PRKN: variants seen among roughly 807,000 people sequenced by gnomAD.
PRKN encodes the protein parkin RBR E3 ubiquitin protein ligase, also known as E3 ubiquitin-protein ligase parkin.
Under a neutral mutation model 59.5 loss-of-function variants are expected in PRKN, and 56 were observed. The ratio of observed to expected loss-of-function variants is 0.94; its 90% confidence interval spans 0.76 to 1.18. The LOEUF (loss-of-function observed/expected upper bound fraction) is 1.18, where lower values mean the gene tolerates loss of function less well. PRKN is among the 50% of genes most tolerant of loss of function. PRKN has a pLI of 0.00. For missense variants in PRKN, 657 were observed against 596.4 expected (o/e 1.10, Z -1.06); for synonymous variants, 250 against 222.1 (o/e 1.13, Z -1.12).
chr6:162,091,980 A>G (rs954817342), intron 4 of PRKN, among the ~76,000 whole-genome samples: 33 of 151,930 alleles, frequency 2.2e-4, no homozygotes, highest in African/African-American at 7.5e-4. Context: ...AGGCTGTAGT[A>G]AGCTGTGATT....
rs1018676251 is a variant in PRKN at position 161,359,962 on chromosome 6, C to T, written c.1285+126G>A. ...AATAGTGATAATGGGTAACATTAAT[C>T]GAGGGGTTACCCAACACACCAGGCA... On this transcript the variant is annotated intron_variant, in intron 11 of 11. Transcript: ENST00000366898. The surrounding 1 kb of genome is among the most constrained non-coding windows in gnomAD (Gnocchi z 5.4). The T allele has an allele frequency of 9.1e-6, 7 of 765,168 alleles. No individual in the cohort carries two copies. Among genetic ancestry groups the T allele is most frequent in the African/African-American group, 1.7e-5 (1 of 58,198 alleles). 47.4% of individuals were successfully genotyped at this position (765,168 alleles called of 1,614,324 possible).
intron 7 of PRKN, among the ~76,000 whole-genome samples, chr6:161,611,706 A>G (rs1468985230): frequency 2.0e-5 from 3 of 152,196 alleles, no homozygotes; most frequent in Non-Finnish European, 4.4e-5. Context: ...AGTTAGGCCA[A>G]TTAATAAACC....
rs987427190 is a variant in PRKN, at chr6:162,056,870, G to A, written c.535-2696C>T. Among the ~76,000 whole-genome samples the A allele has an allele frequency of 1.3e-5, 2 of 152,108 alleles. No homozygotes were observed. Among genetic ancestry groups the A allele is most frequent in the Admixed American group, 1.3e-4 (2 of 15,280 alleles). ...TCCTGGCAGACAACACTTCACACGCGTTGTCACAACTGAGTGCCTCTCGAG... is the reference window on the plus strand; with the variant it reads ...TCCTGGCAGACAACACTTCACACGCATTGTCACAACTGAGTGCCTCTCGAG... On this transcript the variant is annotated intron_variant, in intron 4 of 11. Coordinates refer to ENST00000366898, the MANE Select transcript of PRKN (RefSeq NM_004562.3). The surrounding 1 kb of genome is among the most constrained non-coding windows in gnomAD (Gnocchi z 4.9).
At chr6:161,902,552 A>AT (rs1554245421) in intron 6 of PRKN, among the ~76,000 whole-genome samples, 38 of 121,088 alleles carry the variant, frequency 3.1e-4, no homozygotes, top group African/African-American at 1.2e-3. Context: ...CTATCTATTT[A>AT]TTTATTTATT....
At chr6:161,851,995 G>C (rs1236311829) in intron 6 of PRKN, among the ~76,000 whole-genome samples, 1 of 151,232 alleles carries the variant, frequency 6.6e-6, no homozygotes, top group Non-Finnish European at 1.5e-5. Context: ...GCTGAGGCAG[G>C]AGAATCTCTT....
At chr6:162,324,763 T>C (rs940206610) in intron 2 of PRKN, among the ~76,000 whole-genome samples, 2 of 152,112 alleles carry the variant, frequency 1.3e-5, no homozygotes, top group African/African-American at 4.8e-5. Flanking sequence ...TACGTATCTA[T>C]GTGTAAGTGT....
At chr6:161,973,779 G>A (rs904712576) in intron 5 of PRKN, among the ~76,000 whole-genome samples, 1 of 152,200 alleles carries the variant, frequency 6.6e-6, no homozygotes, top group African/African-American at 2.4e-5. Context: ...AGGGAGACGT[G>A]AAGCCATGAA....
At chr6:161,837,054 T>C (rs556799395) in intron 6 of PRKN, among the ~76,000 whole-genome samples, 1 of 152,286 alleles carries the variant, frequency 6.6e-6, no homozygotes, top group East Asian at 1.9e-4. Flanking sequence ...TCTTAAGGAA[T>C]GGGCACTAAA....
chr6:162,702,354 C>G (rs1407843512), intron 1 of PRKN, among the ~76,000 whole-genome samples: 3 of 151,956 alleles, frequency 2.0e-5, no homozygotes, highest in Non-Finnish European at 2.9e-5. Flanking sequence ...ATTCTACTTC[C>G]TTCATAGATG....
chr6:162,521,019 C>T (rs1778061457), intron 1 of PRKN, among the ~76,000 whole-genome samples: 1 of 152,080 alleles, frequency 6.6e-6, no homozygotes, highest in South Asian at 2.1e-4. Context: ...TAGGGCAAAT[C>T]CATGATTAAT....
At chr6:161,496,270 AC>A (rs1777743706) in intron 9 of PRKN, among the ~76,000 whole-genome samples, 1 of 152,202 alleles carries the variant, frequency 6.6e-6, no homozygotes, top group African/African-American at 2.4e-5. Context: ...TGTATCCCTT[AC>A]AAAGATATGC....
chr6:161,679,921 C>CT (rs1394134427), intron 7 of PRKN, among the ~76,000 whole-genome samples: 2 of 151,218 alleles, frequency 1.3e-5, no homozygotes, highest in Non-Finnish European at 3.0e-5. Flanking sequence ...GCCTGGCTAC[C>CT]TTTTTTTTAT....
At chr6:162,437,570 C>A (rs1480604049) in intron 2 of PRKN, among the ~76,000 whole-genome samples, 1 of 152,106 alleles carries the variant, frequency 6.6e-6, no homozygotes, top group African/African-American at 2.4e-5. Context: ...ACAGTCGTAC[C>A]CTCCTCTCAC....
chr6:162,418,820 G>C (rs1204234552), intron 2 of PRKN, among the ~76,000 whole-genome samples: 1 of 151,816 alleles, frequency 6.6e-6, no homozygotes, highest in Non-Finnish European at 1.5e-5. Flanking sequence ...GAGGGCTCCT[G>C]TCAGCAGACC....
At chr6:162,115,480 A>C (rs9365373) in intron 4 of PRKN, among the ~76,000 whole-genome samples, 31,866 of 151,544 alleles carry the variant, frequency 0.21, 3,706 homozygotes, top group Non-Finnish European at 0.26. Context: ...ATGTACCCTA[A>C]AACTTAAAGT....
Position 161,471,868 on chromosome 6 carries a change from G to A in PRKN, c.1083+76986C>T, listed in dbSNP as rs1057095039. 2.0e-5 allele frequency among the ~76,000 whole-genome samples: 3 copies of A among 152,152 alleles called. 1 individual carries two copies. Reference sequence around the variant, plus strand: ...AAGGTAACACTAATAGAAAAATACAGCATAAACTGAAGGTGTGGATAGTTT... The same window carrying A: ...AAGGTAACACTAATAGAAAAATACAACATAAACTGAAGGTGTGGATAGTTT... On this transcript the variant is annotated intron_variant, in intron 9 of 11. Coordinates refer to ENST00000366898, the MANE Select transcript of PRKN (RefSeq NM_004562.3). The surrounding 1 kb of genome is among the most constrained non-coding windows in gnomAD (Gnocchi z 4.5).
intron 7 of PRKN, among the ~76,000 whole-genome samples, chr6:161,741,559 C>T (rs943395170): frequency 6.6e-6 from 1 of 152,102 alleles, no homozygotes; most frequent in African/African-American, 2.4e-5. Flanking sequence ...TCAGGTTCTT[C>T]ATCCTTCAGA....
In PRKN at chr6:161,600,731, C is replaced by G. The variant is rs73595313; in HGVS notation, c.872-31315G>C. Among the ~76,000 whole-genome samples, 238 of 152,172 alleles carry G rather than the reference C, an allele frequency of 1.6e-3. 2 individuals carry two copies. The highest frequency in any genetic ancestry group is 5.6e-3 in the African/African-American group (232 of 41,514). ...GTGGGAAAGAAGAAAATGTTCTCAC[C>G]TACTAGATGGGTCTTTCTTTCCTTT... On this transcript the variant is annotated intron_variant, in intron 7 of 11. Coordinates refer to ENST00000366898, the MANE Select transcript of PRKN (RefSeq NM_004562.3).
chr6:162,119,669 T>G (rs899083313), intron 4 of PRKN, among the ~76,000 whole-genome samples: 3 of 152,106 alleles, frequency 2.0e-5, no homozygotes, highest in Admixed American at 6.5e-5. Context: ...CAAGAACAGT[T>G]TATCTTGCCC....
Sources: gnomAD v4.1 joint callset for allele counts (sites outside exome capture counted in the v4.1 genomes callset) on GRCh38, gnomAD v4.1.1 for gene constraint, Gnocchi (gnomAD v3.1) non-coding constraint, MANE v1.5 for transcripts, NCBI Gene and HGNC (gene_info 2026-07-23, HGNC 2026-07-21) for gene names.